The following ZDHHC2 variants were observed in gnomAD, a reference collection of about 807,000 sequenced individuals.
The protein encoded by ZDHHC2 is zDHHC palmitoyltransferase 2, also known as palmitoyltransferase ZDHHC2.
In ZDHHC2, 51 loss-of-function variants were observed where a neutral mutation model predicts 55.6. That is an observed-to-expected ratio of 0.92 (90% CI 0.73 to 1.16). ZDHHC2 has a LOEUF of 1.16. ZDHHC2 is among the 50% of genes most tolerant of loss of function. The probability of loss-of-function intolerance (pLI) is 0.00; values close to 1 mark genes in which losing one functional copy is unlikely to be tolerated. For missense variants in ZDHHC2, 491 were observed against 442.4 expected, an observed-to-expected ratio of 1.11 and a Z score of -0.99; for synonymous variants, 199 against 152.9, an observed-to-expected ratio of 1.30 and a Z score of -2.22.
In ZDHHC2 at chr8:17,156,658, C is replaced by T; in HGVS notation, c.-66C>T. 3 of 1,172,702 alleles carry T rather than the reference C, an allele frequency of 2.6e-6. No individual in the cohort carries two copies. Among genetic ancestry groups the T allele is most frequent in the South Asian group, 3.5e-5 (1 of 28,968 alleles). The allele number at this position is 1,172,702 out of a possible 1,614,324, so 72.6% of individuals were successfully genotyped here. On this transcript the variant is annotated 5_prime_UTR_variant, in exon 1 of 13. Transcript: ENST00000262096. Reference sequence around the variant, plus strand: ...CGTCCAGCCAGGGGTGCCGGGCCCGCCCAGCCCGCCCCGGAGCCAGGCCCG... The same window carrying T: ...CGTCCAGCCAGGGGTGCCGGGCCCGTCCAGCCCGCCCCGGAGCCAGGCCCG...
intron 1 of ZDHHC2, among the ~76,000 whole-genome samples, chr8:17,159,591 CTAGGCACTT>C: frequency 6.6e-6 from 1 of 152,246 alleles, no homozygotes; most frequent in African/African-American, 2.4e-5. Context: ...ATGTGGCTCT[CTAGGCACTT>C]TTTCAGTTAG....
rs1490212981 is a variant in ZDHHC2 at position 17,221,066 on chromosome 8, T to C, written c.*845T>C. 4 of 152,544 alleles carry C rather than the reference T, an allele frequency of 2.6e-5. No homozygotes were observed. Among genetic ancestry groups the C allele is most frequent in the Admixed American group, 2.6e-4 (4 of 15,264 alleles). 9.4% of individuals were successfully genotyped at this position (152,544 alleles called of 1,614,324 possible). ...AAATCTCTTTTTAGATTATTTCTCC[T>C]GTTGAACATAGTAAAACTATTGAAT... is the stretch of plus-strand genomic sequence containing the variant. On this transcript the variant is annotated 3_prime_UTR_variant, in exon 13 of 13. Transcript: ENST00000262096.
At chr8:17,201,517 G>T (rs1402040342) in intron 6 of ZDHHC2, among the ~76,000 whole-genome samples, 2 of 90,218 alleles carry the variant, frequency 2.2e-5, no homozygotes, top group Non-Finnish European at 4.3e-5. Context: ...TTTTTAGATG[G>T]AGTCTAGCTC....
At chr8:17,184,080 A>G (rs1232217633) in intron 1 of ZDHHC2, among the ~76,000 whole-genome samples, 1 of 152,240 alleles carries the variant, frequency 6.6e-6, no homozygotes, top group African/African-American at 2.4e-5. Flanking sequence ...ACTCTAGTAC[A>G]AAGAGAGAGA....
chr8:17,199,640 C>CTT (rs1563161823), intron 6 of ZDHHC2, among the ~76,000 whole-genome samples: 9 of 23,444 alleles, frequency 3.8e-4, no homozygotes, highest in South Asian at 3.4e-3. Flanking sequence ...TTCTTCTTCT[C>CTT]CTCCTCCTCC....
intron 10 of ZDHHC2, among the ~76,000 whole-genome samples, chr8:17,213,118 C>T (rs1452315386): frequency 1.3e-5 from 2 of 152,126 alleles, no homozygotes; most frequent in African/African-American, 2.4e-5. Context: ...TACCATTCTT[C>T]CTCCAGATCT....
chr8:17,180,520 C>T (rs1388181014), intron 1 of ZDHHC2, among the ~76,000 whole-genome samples: 1 of 152,098 alleles, frequency 6.6e-6, no homozygotes, highest in Non-Finnish European at 1.5e-5. Context: ...TGTTTAGCCC[C>T]CTTTCCTATA....
intron 6 of ZDHHC2, among the ~76,000 whole-genome samples, chr8:17,199,881 T>A (rs1806653278): frequency 6.6e-6 from 1 of 151,336 alleles, no homozygotes; most frequent in African/African-American, 2.4e-5. Flanking sequence ...TGCCTCAGCC[T>A]CCTGAGTAGC....
intron 1 of ZDHHC2, among the ~76,000 whole-genome samples, chr8:17,179,898 C>T (rs931870697): frequency 1.9e-4 from 29 of 152,134 alleles, no homozygotes; most frequent in African/African-American, 6.0e-4. Flanking sequence ...TTAGAAATTG[C>T]TAAAGCAAAA....
chr8:17,162,268 A>G (rs1410601136), intron 1 of ZDHHC2, among the ~76,000 whole-genome samples: 1 of 152,248 alleles, frequency 6.6e-6, no homozygotes, highest in Non-Finnish European at 1.5e-5. Context: ...CAAATGCGCA[A>G]TAAATGTTGA....
chr8:17,158,447 G>T (rs1166298342), intron 1 of ZDHHC2, among the ~76,000 whole-genome samples: 1 of 152,186 alleles, frequency 6.6e-6, no homozygotes, highest in African/African-American at 2.4e-5. Flanking sequence ...TCTTGGTACA[G>T]TGTCTCCTGT....
intron 6 of ZDHHC2, among the ~76,000 whole-genome samples, chr8:17,201,240 T>TTATA (rs1229729214): frequency 6.6e-6 from 1 of 152,156 alleles, no homozygotes; most frequent in Non-Finnish European, 1.5e-5. Context: ...AATGTATGTG[T>TTATA]GCATAGCCTA....
chr8:17,163,064 G>T (rs1483910579), intron 1 of ZDHHC2, among the ~76,000 whole-genome samples: 1 of 152,150 alleles, frequency 6.6e-6, no homozygotes, highest in Non-Finnish European at 1.5e-5. Flanking sequence ...CTCTGTCCAG[G>T]GCCTGTGACC....
At chr8:17,183,686 T>A (rs913439566) in intron 1 of ZDHHC2, among the ~76,000 whole-genome samples, 9 of 152,188 alleles carry the variant, frequency 5.9e-5, no homozygotes, top group Non-Finnish European at 1.2e-4. Flanking sequence ...CATTTAGATC[T>A]TCTGTTTGTT....
intron 3 of ZDHHC2, among the ~76,000 whole-genome samples, chr8:17,188,859 A>G (rs183365634): frequency 2.6e-5 from 4 of 152,172 alleles, no homozygotes; most frequent in Non-Finnish European, 4.4e-5. Flanking sequence ...AAGTTTTCTT[A>G]TGTCAGTAAT....
At chr8:17,159,178 A>C (rs1804210611) in intron 1 of ZDHHC2, among the ~76,000 whole-genome samples, 1 of 152,144 alleles carries the variant, frequency 6.6e-6, no homozygotes, top group South Asian at 2.1e-4. Flanking sequence ...TTTCCTTTTC[A>C]CAGACAAAGC....
At chr8:17,212,039 A>G (rs1807413085) in intron 10 of ZDHHC2, among the ~76,000 whole-genome samples, 1 of 152,032 alleles carries the variant, frequency 6.6e-6, no homozygotes, top group Admixed American at 6.6e-5. Context: ...GCACCATGAG[A>G]TTTGGGAGAA....
chr8:17,217,389 C>T (rs573382314), intron 12 of ZDHHC2, 143 bp downstream of exon 12: 14 of 616,868 alleles, frequency 2.3e-5, no homozygotes, highest in Non-Finnish European at 3.8e-5. Context: ...ATTGCATTAG[C>T]CATGCTGGGG....
intron 1 of ZDHHC2, among the ~76,000 whole-genome samples, chr8:17,163,208 G>A (rs1039089392): frequency 7.2e-5 from 11 of 152,310 alleles, no homozygotes; most frequent in Middle Eastern, 3.4e-3. Flanking sequence ...AACAGCCTTT[G>A]GAAAGAGCTG....
Sources: allele counts gnomAD v4.1 joint callset (sites outside exome capture counted in the v4.1 genomes callset), GRCh38; gene constraint gnomAD v4.1.1; transcripts MANE v1.5; gene names NCBI Gene and HGNC (gene_info 2026-07-23, HGNC 2026-07-21).